Variants in SCAP observed in about 807,000 individuals in gnomAD.
SCAP encodes the protein sterol regulatory element-binding protein cleavage-activating protein.
Under a neutral mutation model 123.6 loss-of-function variants are expected in SCAP, and 65 were observed. The observed-to-expected ratio is 0.53, with a 90% CI of 0.43 to 0.65. The LOEUF is 0.65. Ranked by LOEUF, SCAP falls within the 30% of genes least tolerant of loss-of-function variation. The probability of loss-of-function intolerance (pLI) is 0.00; values close to 1 mark genes in which losing one functional copy is unlikely to be tolerated. For synonymous variants in SCAP, 740 were observed against 726.3 expected (o/e 1.02, Z -0.30); for missense variants, 1,398 against 1,712.5 (o/e 0.82, Z 3.24).
chr3:47,469,397 G>T (rs1176467443), intron 1 of SCAP, among the ~76,000 whole-genome samples: 1 of 152,054 alleles, frequency 6.6e-6, no homozygotes, highest in Non-Finnish European at 1.5e-5. Flanking sequence ...AGTCTTGTTC[G>T]GTCACCCAGG....
In SCAP at chr3:47,418,690, A is replaced by C. The variant is rs1576252225; in HGVS notation, c.2094T>G (p.Gly698=). ...TGACGTCTCCATGGGCCTGCACCCC[A>C]CCTGGGCCCTTGGGTCCTGCTTCCC... ...GHWEAGPKGP[G]GVQAHGDVTL... Residue 698 remains glycine, a synonymous_variant, in exon 14 of 23, where the codon GGT becomes GGG. Transcript: ENST00000265565. 1 of 1,327,774 alleles carries C rather than the reference A, an allele frequency of 7.5e-7. No homozygotes were observed. The highest frequency in any genetic ancestry group is 9.9e-7 in the Non-Finnish European group (1 of 1,014,800). 82.2% of individuals were successfully genotyped at this position (1,327,774 alleles called of 1,614,324 possible).
intron 1 of SCAP, among the ~76,000 whole-genome samples, chr3:47,455,174 T>TA (rs1433324277): frequency 6.7e-6 from 1 of 150,218 alleles, no homozygotes; most frequent in African/African-American, 2.4e-5. Context: ...TGCCTTCACA[T>TA]ACATCAACAA....
intron 2 of SCAP, among the ~76,000 whole-genome samples, chr3:47,437,674 T>C (rs971940917): frequency 1.3e-5 from 2 of 151,946 alleles, no homozygotes; most frequent in Non-Finnish European, 2.9e-5. Flanking sequence ...GCCGGGAGGC[T>C]GAGGCTGCAA....
chr3:47,451,394 C>CTT (rs10712274), intron 1 of SCAP, among the ~76,000 whole-genome samples: 4 of 41,372 alleles, frequency 9.7e-5, no homozygotes, highest in African/African-American at 2.8e-4. Flanking sequence ...CCTGGAATGC[C>CTT]TTTTTTTTTT....
rs749684765 is a variant in SCAP, at chr3:47,435,465, A to AACACAC, written c.123-329_123-328insGTGTGT. Among the ~76,000 whole-genome samples, 34 of 121,522 alleles carry AACACAC rather than the reference A, an allele frequency of 2.8e-4. 1 individual carries two copies. Among genetic ancestry groups the AACACAC allele is most frequent in the South Asian group, 5.1e-4 (2 of 3,926 alleles). 79.7% of individuals were successfully genotyped at this position (121,522 alleles called of 152,430 possible). ...ATATAACATTAACATATATAATATAAACATACACACACACACACACACACA... is the reference window on the plus strand; with the variant it reads ...ATATAACATTAACATATATAATATAAACACACACATACACACACACACACACACACA... On this transcript the variant is annotated intron_variant, in intron 2 of 22. Transcript: ENST00000265565.
chr3:47,440,353 G>A (rs1706745253), intron 2 of SCAP, among the ~76,000 whole-genome samples: 1 of 152,124 alleles, frequency 6.6e-6, no homozygotes, highest in African/African-American at 2.4e-5. Context: ...TGAGGCTTGT[G>A]TCCCTGGGTC....
chr3:47,428,656 C>G lies in SCAP; in HGVS notation c.267G>C (p.Pro89=). ...CAAATATCTGCTGGACATAAGCCAC[C>G]GGGGCACCCACATACTGCAGAAGAA... The part of the protein sequence containing the change: ...TEQPEWYVGA[P]VAYVQQIFVK... Residue 89 remains proline (P), a synonymous_variant, in exon 4 of 23, where the codon CCG becomes CCC. Transcript: ENST00000265565. The G allele has an allele frequency of 6.2e-7, 1 of 1,613,998 alleles. No individual in the cohort carries two copies. Among genetic ancestry groups the G allele is most frequent in the South Asian group, 1.1e-5 (1 of 91,076 alleles).
chr3:47,471,194 C>T (rs1708012878), intron 1 of SCAP, among the ~76,000 whole-genome samples: 1 of 151,858 alleles, frequency 6.6e-6, no homozygotes, highest in African/African-American at 2.4e-5. Context: ...AAAATGAGTA[C>T]AGAAGAGGAG....
Position 47,418,649 on chromosome 3 carries a change from C to G in SCAP, c.2129+6G>C. The G allele has an allele frequency of 2.5e-6, 4 of 1,602,278 alleles. No individual in the cohort carries two copies. Among genetic ancestry groups the G allele is most frequent in the East Asian group, 2.2e-5 (1 of 44,494 alleles). On this transcript the variant is annotated splice_donor_region_variant and intron_variant, in intron 14 of 22. Transcript: ENST00000265565. ...TTTCCCACCCCACCCCACCCAGCAG[C>G]CTTACTTGTACAGCGTGACGTCTCC...
chr3:47,430,178 T>A (rs1040830468), intron 3 of SCAP, among the ~76,000 whole-genome samples: 4 of 152,128 alleles, frequency 2.6e-5, no homozygotes, highest in African/African-American at 9.7e-5. Context: ...CACAACAGCC[T>A]GATGAGAAGC....
At chr3:47,435,656 G>C (rs1271774255) in intron 2 of SCAP, among the ~76,000 whole-genome samples, 1 of 152,036 alleles carries the variant, frequency 6.6e-6, no homozygotes, top group Non-Finnish European at 1.5e-5. Context: ...AAAGTGCTGA[G>C]ATTACAGGCG....
chr3:47,433,806 T>A (rs900467890), intron 3 of SCAP, among the ~76,000 whole-genome samples: 1 of 151,052 alleles, frequency 6.6e-6, no homozygotes. Flanking sequence ...GAGACAGAGG[T>A]TGCAATGAGC....
rs911352217 is a variant in SCAP at position 47,439,786 on chromosome 3, A to G, written c.122+3086T>C. On this transcript the variant is annotated intron_variant, in intron 2 of 22. Transcript: ENST00000265565. This position sits in a 1 kb window ranked among gnomAD's most constrained non-coding sequence, Gnocchi z 4.0. ...CTGCACCCAGGGGCCAGGCAGGAAG[A>G]ACAGCTAACTCTAGCTCACCTGCAA... Among the ~76,000 whole-genome samples the G allele has an allele frequency of 6.6e-6, 1 of 152,232 alleles. No homozygotes were observed. Among genetic ancestry groups the G allele is most frequent in the Admixed American group, 6.5e-5 (1 of 15,290 alleles).
At chr3:47,440,021 C>T (rs1706735020) in intron 2 of SCAP, among the ~76,000 whole-genome samples, 1 of 152,202 alleles carries the variant, frequency 6.6e-6, no homozygotes, top group African/African-American at 2.4e-5. Flanking sequence ...TCACCATCCC[C>T]CCAGTACTGC....
chr3:47,419,235 C>T lies in SCAP; in HGVS notation c.1940+93G>A. On this transcript the variant is annotated intron_variant, in intron 13 of 22. Coordinates refer to ENST00000265565, the MANE Select transcript of SCAP (RefSeq NM_012235.4). This position sits in a 1 kb window ranked among gnomAD's most constrained non-coding sequence, Gnocchi z 5.0. ...CCTTATGAACTGTTTTAATTATTTG[C>T]ATAATTCAAACCTGTGGGCCTCCTG... 1 of 1,442,174 alleles carries T rather than the reference C, an allele frequency of 6.9e-7. No homozygotes were observed. The highest frequency in any genetic ancestry group is 9.4e-7 in the Non-Finnish European group (1 of 1,065,872). 89.3% of individuals were successfully genotyped at this position (1,442,174 alleles called of 1,614,324 possible).
At chr3:47,469,549 A>C (rs1707957366) in intron 1 of SCAP, among the ~76,000 whole-genome samples, 1 of 152,110 alleles carries the variant, frequency 6.6e-6, no homozygotes, top group African/African-American at 2.4e-5. Context: ...AGTACAGGCA[A>C]GGTTTCACCA....
chr3:47,440,809 G>C (rs1296218947), intron 2 of SCAP, among the ~76,000 whole-genome samples: 2 of 152,142 alleles, frequency 1.3e-5, no homozygotes, highest in African/African-American at 4.8e-5. Flanking sequence ...GCAATTAGCA[G>C]TGATTGCACC....
In SCAP at chr3:47,419,403, T is replaced by C. The variant is rs1705790569; in HGVS notation, c.1865A>G (p.Glu622Gly). ...GAAGGACAATTTCCTCCAAAGTTCC[T>C]CATCCTCAGGCCCCCAGGTTACCTC... Reference protein sequence around the residue: ...VPEVTWGPEDEELWRKLSFRH... With the variant: ...VPEVTWGPEDGELWRKLSFRH... Residue 622 changes from glutamate (E) to glycine (G), a missense_variant, in exon 13 of 23, where the codon GAG (glutamate) becomes GGG (glycine). Glu to Gly is a moderately conservative substitution (Grantham distance 98). Coordinates refer to ENST00000265565, the MANE Select transcript of SCAP (RefSeq NM_012235.4). The surrounding 1 kb of genome is among the most constrained non-coding windows in gnomAD (Gnocchi z 5.0). 1 of 1,611,978 alleles carries C rather than the reference T, an allele frequency of 6.2e-7. No individual in the cohort carries two copies. Among genetic ancestry groups the C allele is most frequent in the Non-Finnish European group, 8.5e-7 (1 of 1,179,360 alleles).
chr3:47,425,653 G>T, intron 7 of SCAP, 42 bp from the exon 8 acceptor site: 1 of 1,605,064 alleles, frequency 6.2e-7, no homozygotes, highest in Non-Finnish European at 8.5e-7. Context: ...CCCTCCCCCA[G>T]CCCCCGGCCC....
Sources: gnomAD v4.1 joint callset for allele counts (sites outside exome capture counted in the v4.1 genomes callset) on GRCh38, gnomAD v4.1.1 for gene constraint, Gnocchi (gnomAD v3.1) non-coding constraint, MANE v1.5 for transcripts, NCBI Gene and HGNC (gene_info 2026-07-23, HGNC 2026-07-21) for gene names.